The following KCNQ5 variants were observed in gnomAD, a reference collection of about 807,000 sequenced individuals.
The protein encoded by KCNQ5 is potassium voltage-gated channel subfamily KQT member 5.
KCNQ5 carries 30 observed loss-of-function variants against 98.2 expected under a neutral mutation model. The observed-to-expected ratio is 0.31, with a 90% CI of 0.23 to 0.41. The LOEUF (loss-of-function observed/expected upper bound fraction) is 0.41. Among genes scored for constraint, KCNQ5 ranks in the 10% least tolerant of loss-of-function variants. The pLI, the probability that KCNQ5 is intolerant of heterozygous loss-of-function variation, is 1.00. For missense variants in KCNQ5, 835 were observed against 1,182.5 expected (o/e 0.71, Z 4.31); for synonymous variants, 458 against 449.4 (o/e 1.02, Z -0.24).
chr6:72,771,853 A>C (rs1449080452), intron 1 of KCNQ5, among the ~76,000 whole-genome samples: 1 of 152,078 alleles, frequency 6.6e-6, no homozygotes, highest in African/African-American at 2.4e-5. Flanking sequence ...AGGGAGATAG[A>C]TACAAGGAAC....
chr6:72,777,259 A>G (rs1773205623), intron 1 of KCNQ5, among the ~76,000 whole-genome samples: 1 of 152,380 alleles, frequency 6.6e-6, no homozygotes, highest in Admixed American at 6.5e-5. Context: ...AGGACAAGAC[A>G]TTACTGGGAA....
At chr6:72,923,028 T>C (rs9360619) in intron 1 of KCNQ5, among the ~76,000 whole-genome samples, 39,772 of 151,688 alleles carry the variant, frequency 0.26, 5,480 homozygotes, top group Non-Finnish European at 0.3. Flanking sequence ...GCCAAGCTGG[T>C]CTCAAACTCC....
At chr6:73,177,762 A>G (rs368211002) in intron 11 of KCNQ5, among the ~76,000 whole-genome samples, 3 of 152,220 alleles carry the variant, frequency 2.0e-5, no homozygotes, top group East Asian at 1.9e-4. Context: ...AATCTATGAC[A>G]TGTTACAGTA....
rs768143725 is a variant in KCNQ5, at chr6:73,194,831, C to G, written c.2216C>G (p.Ala739Gly). Reference protein sequence around the residue: ...TNTIANQINTAPKPAAPTTLQ... With the variant: ...TNTIANQINTGPKPAAPTTLQ... Reference sequence around the variant, plus strand: ...ACCATTGCAAACCAAATAAATACGGCACCCAAGCCAGCAGCCCCAACAACT... The same window carrying G: ...ACCATTGCAAACCAAATAAATACGGGACCCAAGCCAGCAGCCCCAACAACT... The change falls in exon 14 of 14, where the codon GCA (alanine) becomes GGA (glycine). Residue 739 changes from alanine to glycine, a missense_variant. Ala to Gly is a moderately conservative substitution (Grantham distance 60). Around this residue, in one of 10 missense-constraint regions of KCNQ5, gnomAD observed 416 missense variants for 446.9 expected, o/e 0.93. Coordinates refer to ENST00000370398, the MANE Select transcript of KCNQ5 (RefSeq NM_019842.4). The G allele has an allele frequency of 6.2e-7, 1 of 1,614,200 alleles. No homozygotes were observed. Among genetic ancestry groups the G allele is most frequent in the Non-Finnish European group, 8.5e-7 (1 of 1,180,038 alleles).
chr6:72,635,631 T>G (rs910448267), intron 1 of KCNQ5, among the ~76,000 whole-genome samples: 3 of 151,486 alleles, frequency 2.0e-5, no homozygotes, highest in Non-Finnish European at 4.4e-5. Flanking sequence ...CCTTTCCCCT[T>G]GGTCTTATTG....
chr6:73,122,028 C>T (rs1037193619), intron 8 of KCNQ5, among the ~76,000 whole-genome samples: 10 of 152,156 alleles, frequency 6.6e-5, no homozygotes, highest in Admixed American at 3.9e-4. Flanking sequence ...GGATTAAAAT[C>T]CTCTTTTCAT....
At chr6:73,100,926 C>T (rs1043617373) in intron 5 of KCNQ5, among the ~76,000 whole-genome samples, 2 of 152,004 alleles carry the variant, frequency 1.3e-5, no homozygotes, top group African/African-American at 4.8e-5. Flanking sequence ...AACCTACCAA[C>T]ATTGAACCAT....
intron 3 of KCNQ5, among the ~76,000 whole-genome samples, chr6:73,058,219 T>A (rs1772612870): frequency 6.6e-6 from 1 of 152,162 alleles, no homozygotes; most frequent in African/African-American, 2.4e-5. Context: ...GAGACCATCC[T>A]GGCTAACACG....
At chr6:72,789,467 T>G (rs1395522451) in intron 1 of KCNQ5, among the ~76,000 whole-genome samples, 1 of 152,226 alleles carries the variant, frequency 6.6e-6, no homozygotes, top group African/African-American at 2.4e-5. Context: ...CCAAGAATTT[T>G]AGGACATACA....
intron 5 of KCNQ5, among the ~76,000 whole-genome samples, chr6:73,093,480 C>T (rs1245772737): frequency 6.6e-6 from 1 of 151,998 alleles, no homozygotes; most frequent in Non-Finnish European, 1.5e-5. Flanking sequence ...TTCTCTAGTT[C>T]CTTGAGGTGT....
In KCNQ5 at chr6:73,192,670, G is replaced by A. The variant is rs1304168136; in HGVS notation, c.1815G>A (p.Arg605=). 2.5e-6 allele frequency: 4 copies of A among 1,595,282 alleles called. No individual in the cohort carries two copies. Among genetic ancestry groups the A allele is most frequent in the Non-Finnish European group, 3.4e-6 (4 of 1,171,630 alleles). ...ETTDDLSMLG[R]VVKVEKQVQS... The stretch of plus-strand genomic sequence containing the variant: ...CAGACGATCTCAGTATGCTCGGTCG[G>A]GTGGTCAAGGTTGAAAAACAGGTAC... Residue 605 remains arginine, a synonymous_variant, in exon 13 of 14, where the codon CGG becomes CGA. Coordinates refer to ENST00000370398, the MANE Select transcript of KCNQ5 (RefSeq NM_019842.4).
intron 10 of KCNQ5, among the ~76,000 whole-genome samples, chr6:73,149,804 AAAAG>A (rs1180921886): frequency 1.4e-5 from 2 of 143,658 alleles, no homozygotes; most frequent in Non-Finnish European, 3.0e-5. Flanking sequence ...AAAAAAAAAA[AAAAG>A]AGAGAGAGAG....
intron 1 of KCNQ5, among the ~76,000 whole-genome samples, chr6:72,948,897 A>G (rs903672134): frequency 3.3e-5 from 5 of 152,202 alleles, no homozygotes; most frequent in African/African-American, 1.2e-4. Flanking sequence ...AGTTTTAAAC[A>G]GCAAACAAAT....
rs1219944057 is a variant in KCNQ5 at position 72,971,312 on chromosome 6, G to T, written c.399-32596G>T. Among the ~76,000 whole-genome samples, 5 of 152,308 alleles carry T rather than the reference G, an allele frequency of 3.3e-5. No individual in the cohort carries two copies. The East Asian group carries it at 9.6e-4, about 29-fold the overall frequency. ...CACAATGAGATACCATCTCACACCA[G>T]TTAGAATGGCAATCATTAAAAAGTC... On this transcript the variant is annotated intron_variant, in intron 1 of 13. Transcript: ENST00000370398.
intron 11 of KCNQ5, among the ~76,000 whole-genome samples, chr6:73,181,777 G>A (rs76726401): frequency 7.9e-5 from 12 of 152,164 alleles, no homozygotes; most frequent in Non-Finnish European, 1.5e-4. Context: ...GAGCCAAACT[G>A]GTTCACGTCC....
At chr6:73,073,373 G>T (rs1773378575) in intron 3 of KCNQ5, among the ~76,000 whole-genome samples, 1 of 152,132 alleles carries the variant, frequency 6.6e-6, no homozygotes, top group Non-Finnish European at 1.5e-5. Flanking sequence ...ATTGACATTT[G>T]GGGCTGAGTC....
At chr6:72,832,179 G>A (rs987607060) in intron 1 of KCNQ5, among the ~76,000 whole-genome samples, 5 of 152,056 alleles carry the variant, frequency 3.3e-5, no homozygotes, top group Non-Finnish European at 1.5e-5. Context: ...TTGATGAGAT[G>A]TGGCAATGGA....
chr6:72,772,013 C>T (rs75132367), intron 1 of KCNQ5, among the ~76,000 whole-genome samples: 6,485 of 152,074 alleles, frequency 0.043, 433 homozygotes, highest in African/African-American at 0.15. Flanking sequence ...TGATTCATAA[C>T]CCTAAAAAGT....
chr6:72,757,115 T>G (rs140407916), intron 1 of KCNQ5, among the ~76,000 whole-genome samples: 18 of 152,288 alleles, frequency 1.2e-4, no homozygotes, highest in Non-Finnish European at 2.4e-4. Context: ...TGAAGAAATT[T>G]AACATTATCT....
Sources: allele counts gnomAD v4.1 joint callset (sites outside exome capture counted in the v4.1 genomes callset), GRCh38; gene constraint gnomAD v4.1.1; regional missense constraint gnomAD v4.1.1; transcripts MANE v1.5; gene names NCBI Gene and HGNC (gene_info 2026-07-23, HGNC 2026-07-21).